Variants in AOAH observed in about 807,000 individuals in gnomAD.
The protein encoded by AOAH is acyloxyacyl hydrolase, also known as acyloxyacyl hydrolase (neutrophil).
A neutral mutation model predicts 92.2 loss-of-function variants in AOAH; 64 were observed. The ratio of observed to expected loss-of-function variants is 0.69; its 90% confidence interval spans 0.57 to 0.86. The LOEUF (loss-of-function observed/expected upper bound fraction) is 0.86, where lower values mean the gene tolerates loss of function less well. AOAH is among the 40% of genes least tolerant of loss of function. The probability of loss-of-function intolerance (pLI) is 0.00; values close to 1 mark genes in which losing one functional copy is unlikely to be tolerated. For missense variants in AOAH, 656 were observed against 694.6 expected, an observed-to-expected ratio of 0.94 and a Z score of 0.62; for synonymous variants, 263 against 254.5, an observed-to-expected ratio of 1.03 and a Z score of -0.32.
intron 20 of AOAH, chr7:36,514,605 C>T (rs1790231932): frequency 6.5e-7 from 1 of 1,527,704 alleles, no homozygotes; most frequent in African/African-American, 1.4e-5. Context: ...AAACAATGCC[C>T]TCATTTAGCA....
intron 13 of AOAH, among the ~76,000 whole-genome samples, chr7:36,566,747 A>G (rs1787742014): frequency 6.6e-6 from 1 of 151,984 alleles, no homozygotes; most frequent in South Asian, 2.1e-4. Flanking sequence ...CTGATATATG[A>G]CCTTCCTCCA....
At chr7:36,594,886 A>G (rs1289523921) in intron 11 of AOAH, among the ~76,000 whole-genome samples, 2 of 151,110 alleles carry the variant, frequency 1.3e-5, no homozygotes, top group Non-Finnish European at 3.0e-5. Context: ...GTGCCCTCTG[A>G]CCTTCTTGGG....
At chr7:36,537,620 G>A (rs1785160341) in intron 16 of AOAH, among the ~76,000 whole-genome samples, 1 of 151,370 alleles carries the variant, frequency 6.6e-6, no homozygotes, top group Non-Finnish European at 1.5e-5. Flanking sequence ...CCGGGTTCAA[G>A]CGATTCTCTT....
rs62445872 is a variant in AOAH at position 36,631,760 on chromosome 7, C to A, written c.521+276G>T. Among the ~76,000 whole-genome samples the A allele has an allele frequency of 8.3e-3, 1,263 of 152,254 alleles. 14 individuals carry two copies. Among genetic ancestry groups the A allele is most frequent in the Non-Finnish European group, 0.014 (939 of 68,016 alleles). ...GTGCAGTGGGCACCTCGCTGGCAGG[C>A]ACTTGCCGGCAGTGAGCCTCACTGC... On this transcript the variant is annotated intron_variant, in intron 6 of 20. Transcript: ENST00000617537.
intron 2 of AOAH, among the ~76,000 whole-genome samples, chr7:36,682,315 T>C (rs1796701872): frequency 6.6e-6 from 1 of 152,136 alleles, no homozygotes; most frequent in South Asian, 2.1e-4. Context: ...TTTTTAACAC[T>C]ACCCCAAAAC....
intron 1 of AOAH, among the ~76,000 whole-genome samples, chr7:36,708,997 T>C (rs1467480283): frequency 6.6e-6 from 1 of 152,128 alleles, no homozygotes; most frequent in Non-Finnish European, 1.5e-5. Context: ...CTGGGCTTTC[T>C]TTCACTTTCT....
chr7:36,543,716 G>A, intron 15 of AOAH, among the ~76,000 whole-genome samples: 1 of 152,092 alleles, frequency 6.6e-6, no homozygotes, highest in East Asian at 1.9e-4. Flanking sequence ...CAAAATATAA[G>A]CCTTGGTGTT....
At chr7:36,567,000 C>T (rs775695075) in intron 13 of AOAH, among the ~76,000 whole-genome samples, 5 of 152,166 alleles carry the variant, frequency 3.3e-5, no homozygotes, top group South Asian at 2.1e-4. Context: ...TTAGTACAGA[C>T]GGGGCTTCAC....
intron 12 of AOAH, among the ~76,000 whole-genome samples, chr7:36,577,126 A>C (rs749977319): frequency 6.6e-6 from 1 of 151,810 alleles, no homozygotes; most frequent in African/African-American, 2.4e-5. Flanking sequence ...TTTTGCTACA[A>C]TAGAATTTAT....
intron 6 of AOAH, 105 bp downstream of exon 6, chr7:36,631,931 G>T: frequency 1.2e-6 from 1 of 805,954 alleles, no homozygotes; most frequent in Non-Finnish European, 2.0e-6. Context: ...CTCACCTTCA[G>T]GGATGCCTTT....
chr7:36,582,758 T>C lies in AOAH; in HGVS notation c.939-6102A>G, dbSNP rs1389473515. 2.6e-5 allele frequency among the ~76,000 whole-genome samples: 4 copies of C among 152,092 alleles called. No individual in the cohort carries two copies. The South Asian group carries it at 6.2e-4, about 24-fold the overall frequency. On this transcript the variant is annotated intron_variant, in intron 12 of 20. Transcript: ENST00000617537. ...AAATGGAGTTCTTCCAAAGGCTTTG[T>C]AGCCTGCCAGAGATCTCTGAGGTAA...
At chr7:36,694,236 A>C (rs12540044) in intron 1 of AOAH, among the ~76,000 whole-genome samples, 124,263 of 152,202 alleles carry the variant, frequency 0.82, 50,981 homozygotes, top group East Asian at 1. Context: ...GTGGCTCACG[A>C]CTGTAATCCC....
intron 1 of AOAH, among the ~76,000 whole-genome samples, chr7:36,711,618 T>C (rs1405489475): frequency 6.6e-6 from 1 of 151,996 alleles, no homozygotes. Context: ...AATTTAAAAA[T>C]AAAGGTAGGA....
intron 4 of AOAH, among the ~76,000 whole-genome samples, chr7:36,650,422 G>T (rs893631118): frequency 4.6e-5 from 7 of 152,138 alleles, no homozygotes; most frequent in African/African-American, 1.7e-4. Flanking sequence ...GGGCAAGTGG[G>T]GATGCATGGT....
intron 2 of AOAH, among the ~76,000 whole-genome samples, chr7:36,678,142 AT>A (rs1305424488): frequency 6.6e-6 from 1 of 152,194 alleles, no homozygotes; most frequent in African/African-American, 2.4e-5. Context: ...TTAAATACAG[AT>A]TCCCTCTCCC....
chr7:36,574,609 G>C (rs545551518), intron 13 of AOAH, among the ~76,000 whole-genome samples: 7 of 152,272 alleles, frequency 4.6e-5, no homozygotes, highest in African/African-American at 1.7e-4. Flanking sequence ...CCTGCAGCCT[G>C]CATTTCTGGC....
chr7:36,545,196 G>A (rs1785724870), intron 15 of AOAH, among the ~76,000 whole-genome samples: 1 of 152,090 alleles, frequency 6.6e-6, no homozygotes, highest in Non-Finnish European at 1.5e-5. Context: ...GGGAGAAGAG[G>A]CATCTTGATA....
intron 11 of AOAH, among the ~76,000 whole-genome samples, chr7:36,615,861 T>C (rs1696787458): frequency 6.6e-6 from 1 of 151,922 alleles, no homozygotes; most frequent in South Asian, 2.1e-4. Flanking sequence ...TTGTTTGCAA[T>C]TTTGCCTTGT....
chr7:36,572,200 A>T (rs1484445505), intron 13 of AOAH, among the ~76,000 whole-genome samples: 1 of 152,148 alleles, frequency 6.6e-6, no homozygotes, highest in African/African-American at 2.4e-5. Flanking sequence ...ATCTTTTGAC[A>T]TTGAAAAAAA....
Sources: gnomAD v4.1 joint callset for allele counts (sites outside exome capture counted in the v4.1 genomes callset) on GRCh38, gnomAD v4.1.1 for gene constraint, MANE v1.5 for transcripts, NCBI Gene and HGNC (gene_info 2026-07-23, HGNC 2026-07-21) for gene names.